Variants in NEO1 observed in about 807,000 individuals in gnomAD.
NEO1 encodes the protein neogenin 1.
In NEO1, 63 loss-of-function variants were observed where a neutral mutation model predicts 159.7. That is an observed-to-expected ratio of 0.39 (90% CI 0.32 to 0.49). NEO1 has a LOEUF of 0.49. Ranked by LOEUF, NEO1 falls within the 20% of genes least tolerant of loss-of-function variation. The pLI, the probability that NEO1 is intolerant of heterozygous loss-of-function variation, is 0.85. For synonymous variants in NEO1, 633 were observed against 662.0 expected, an observed-to-expected ratio of 0.96 and a Z score of 0.67; for missense variants, 1,615 against 1,831.0, an observed-to-expected ratio of 0.88 and a Z score of 2.15.
intron 9 of NEO1, among the ~76,000 whole-genome samples, chr15:73,245,944 C>G (rs1280837926): frequency 6.6e-6 from 1 of 152,026 alleles, no homozygotes; most frequent in Non-Finnish European, 1.5e-5. Flanking sequence ...TATTAAAAAC[C>G]TCCAGTAATA....
intron 9 of NEO1, among the ~76,000 whole-genome samples, chr15:73,246,301 C>T (rs1011491194): frequency 1.6e-4 from 24 of 152,112 alleles, no homozygotes; most frequent in African/African-American, 5.6e-4. Context: ...AAGAATCAAA[C>T]CCAGGCAAGA....
Position 73,135,910 on chromosome 15 carries a change from C to A in NEO1, c.898C>A (p.Leu300Met). 1 of 1,532,492 alleles carries A rather than the reference C, an allele frequency of 6.5e-7. No individual in the cohort carries two copies. Among genetic ancestry groups the A allele is most frequent in the Non-Finnish European group, 8.8e-7 (1 of 1,141,192 alleles). The allele number at this position is 1,532,492 out of a possible 1,614,324, so 94.9% of individuals were successfully genotyped here. A position where few individuals can be genotyped will look rare whatever the true frequency, so the allele number is the denominator to read the frequency against. ...DTESSERLVLLAGGSLEISDV... is the reference protein window; with the variant it reads ...DTESSERLVLMAGGSLEISDV... ...ACACAGCTCTGAAAGATTGGTATTG[C>A]TGGCAGGTGGTAGCCTGGAGATCAG... Residue 300 changes from leucine (L) to methionine (M), a missense_variant, in exon 5 of 29, where the codon CTG (leucine) becomes ATG (methionine). By Grantham distance (15) the Leu-to-Met change is conservative. This residue lies in a region of NEO1 where 1,018 missense variants were observed against 1,115.4 expected (regional missense o/e 0.91). Coordinates refer to ENST00000261908, the MANE Select transcript of NEO1 (RefSeq NM_002499.4).
intron 5 of NEO1, among the ~76,000 whole-genome samples, chr15:73,144,177 G>C (rs2032679823): frequency 6.6e-6 from 1 of 152,054 alleles, no homozygotes; most frequent in South Asian, 2.1e-4. Flanking sequence ...AGTTATTCTG[G>C]AGGAAGATGA....
chr15:73,286,526 C>T (rs1203840395), intron 23 of NEO1, among the ~76,000 whole-genome samples: 1 of 152,208 alleles, frequency 6.6e-6, no homozygotes, highest in Non-Finnish European at 1.5e-5. Flanking sequence ...GCTCCCGTGG[C>T]TTCAGCATTC....
In NEO1 at chr15:73,125,146, T is replaced by G. The variant is rs138577803; in HGVS notation, c.725-1271T>G. ...TCTGAAACGAAAACATAATGTGGAA[T>G]GTTTTGCTTACTTAAGTAAGGGAGA... On this transcript the variant is annotated intron_variant, in intron 3 of 28. Transcript: ENST00000261908. Among the ~76,000 whole-genome samples, 450 of 152,272 alleles carry G rather than the reference T, an allele frequency of 3.0e-3. 2 individuals are homozygous for G. Among genetic ancestry groups the G allele is most frequent in the African/African-American group, 0.01 (427 of 41,560 alleles).
chr15:73,166,402 A>G (rs924638857), intron 5 of NEO1, among the ~76,000 whole-genome samples: 4 of 152,218 alleles, frequency 2.6e-5, no homozygotes, highest in Non-Finnish European at 5.9e-5. Flanking sequence ...AAAGCTAAAC[A>G]CTGACATTTG....
At chr15:73,080,686 T>A (rs918839194) in intron 1 of NEO1, among the ~76,000 whole-genome samples, 2 of 152,046 alleles carry the variant, frequency 1.3e-5, no homozygotes, top group Non-Finnish European at 2.9e-5. Flanking sequence ...GAAGCATTAG[T>A]GAGGAAGTTG....
chr15:73,275,691 T>C (rs1398933605), intron 21 of NEO1, among the ~76,000 whole-genome samples: 4 of 151,948 alleles, frequency 2.6e-5, no homozygotes, highest in African/African-American at 9.7e-5. Flanking sequence ...ATAGTGATAA[T>C]TGAAATGGGG....
chr15:73,273,971 C>A lies in NEO1; in HGVS notation c.3126C>A (p.Pro1042=), dbSNP rs749227702. 1.8e-5 allele frequency: 29 copies of A among 1,614,102 alleles called. No individual in the cohort carries two copies. The highest frequency in any genetic ancestry group is 2.5e-5 in the Non-Finnish European group (29 of 1,179,994). ...CACGGAACTCAAAGGGCATGGGACC[C>A]ATGTCTGAAGCTGTCCAATTCAGAA... ...IQARNSKGMG[P]MSEAVQFRTP... is the part of the protein sequence containing the mutation. Residue 1042 remains proline (P), a synonymous_variant, in exon 20 of 29, where the codon CCC becomes CCA. Transcript: ENST00000261908.
chr15:73,054,297 GTAAC>G (rs779115618), intron 1 of NEO1, among the ~76,000 whole-genome samples: 1 of 152,168 alleles, frequency 6.6e-6, no homozygotes, highest in Non-Finnish European at 1.5e-5. Flanking sequence ...AATTTTGTAA[GTAAC>G]TAAAATGCTA....
intron 26 of NEO1, among the ~76,000 whole-genome samples, chr15:73,296,882 T>G (rs371011861): frequency 1.3e-5 from 2 of 152,350 alleles, no homozygotes; most frequent in Admixed American, 6.5e-5. Context: ...GTAAAACTTA[T>G]GAATTATTTA....
At chr15:73,125,302 T>C (rs916971255) in intron 3 of NEO1, among the ~76,000 whole-genome samples, 1 of 152,234 alleles carries the variant, frequency 6.6e-6, no homozygotes, top group East Asian at 1.9e-4. Flanking sequence ...CATAGAAATA[T>C]GTTTTGTGGT....
At chr15:73,220,876 C>G (rs1353133910) in intron 7 of NEO1, among the ~76,000 whole-genome samples, 2 of 152,118 alleles carry the variant, frequency 1.3e-5, no homozygotes, top group Non-Finnish European at 2.9e-5. Context: ...TTTGAATTTC[C>G]TCCTGTAGCT....
At chr15:73,259,807 A>G (rs1464637935) in intron 14 of NEO1, among the ~76,000 whole-genome samples, 1 of 152,138 alleles carries the variant, frequency 6.6e-6, no homozygotes, top group Non-Finnish European at 1.5e-5. Context: ...GACTTACCAT[A>G]CTACTTAGGG....
Position 73,135,888 on chromosome 15 carries a change from C to T in NEO1, c.879-3C>T. 2 of 1,346,892 alleles carry T rather than the reference C, an allele frequency of 1.5e-6. No homozygotes were observed. The highest frequency in any genetic ancestry group is 9.8e-7 in the Non-Finnish European group (1 of 1,017,728). The allele number at this position is 1,346,892 out of a possible 1,614,324, so 83.4% of individuals were successfully genotyped here. Reference sequence around the variant, plus strand: ...CTTTTTTTTTTTTTTTTTTTTAACACAGCTCTGAAAGATTGGTATTGCTGG... The same window carrying T: ...CTTTTTTTTTTTTTTTTTTTTAACATAGCTCTGAAAGATTGGTATTGCTGG... On this transcript the variant is annotated splice_polypyrimidine_tract_variant and splice_region_variant and intron_variant, in intron 4 of 28. Transcript: ENST00000261908.
In NEO1 at chr15:73,126,439, G is replaced by T. The variant is rs745561049; in HGVS notation, c.747G>T (p.Leu249Phe). 1.2e-6 allele frequency: 2 copies of T among 1,600,958 alleles called. No homozygotes were observed. Among genetic ancestry groups the T allele is most frequent in the South Asian group, 1.1e-5 (1 of 88,278 alleles). Residue 249 changes from leucine to phenylalanine, a missense_variant, in exon 4 of 29, where the codon TTG becomes TTT. Coordinates refer to ENST00000261908, the MANE Select transcript of NEO1 (RefSeq NM_002499.4). ...VLPDPEVISD[L>F]VFLKQPSPLV... ...TAGATCCTGAGGTGATATCAGACTT[G>T]GTATTTTTGAAACAGCCTTCTCCCT...
intron 1 of NEO1, among the ~76,000 whole-genome samples, chr15:73,075,573 C>T (rs2068731058): frequency 6.6e-6 from 1 of 152,168 alleles, no homozygotes; most frequent in African/African-American, 2.4e-5. Context: ...GGGAACTCTG[C>T]ATCTAGAAGT....
intron 26 of NEO1, among the ~76,000 whole-genome samples, chr15:73,296,792 A>G (rs1390979578): frequency 6.6e-6 from 1 of 152,138 alleles, no homozygotes; most frequent in African/African-American, 2.4e-5. Context: ...CGCAGTCTGG[A>G]TAGGCTGGAC....
intron 26 of NEO1, among the ~76,000 whole-genome samples, chr15:73,295,816 A>G (rs1362544377): frequency 6.6e-6 from 1 of 152,166 alleles, no homozygotes; most frequent in Non-Finnish European, 1.5e-5. Flanking sequence ...AGGAGCATTC[A>G]CTATGTCACC....
Sources: allele counts gnomAD v4.1 joint callset (sites outside exome capture counted in the v4.1 genomes callset), GRCh38; gene constraint gnomAD v4.1.1; regional missense constraint gnomAD v4.1.1; transcripts MANE v1.5; gene names NCBI Gene and HGNC (gene_info 2026-07-23, HGNC 2026-07-21).